Variants in PKHD1 observed in about 807,000 individuals in gnomAD.
The protein encoded by PKHD1 is PKHD1 ciliary IPT domain containing fibrocystin/polyductin, also known as fibrocystin.
PKHD1 carries 291 observed loss-of-function variants against 412.0 expected under a neutral mutation model. The observed-to-expected ratio is 0.71, with a 90% CI of 0.64 to 0.78. PKHD1 has a LOEUF of 0.78. Among genes scored for constraint, PKHD1 ranks in the 30% least tolerant of loss-of-function variants. The pLI is 0.00. For synonymous variants in PKHD1, 1,777 were observed against 1,821.5 expected (o/e 0.98, Z 0.62); for missense variants, 4,825 against 4,950.7 (o/e 0.97, Z 0.76).
chr6:52,032,026 C>T (rs1803130867), intron 29 of PKHD1, among the ~76,000 whole-genome samples: 1 of 152,112 alleles, frequency 6.6e-6, no homozygotes, highest in Non-Finnish European at 1.5e-5. Flanking sequence ...GGAGCTCCCC[C>T]TCCCTTTTCT....
At chr6:51,897,232 T>A (rs1583255530) in intron 43 of PKHD1, among the ~76,000 whole-genome samples, 1 of 151,818 alleles carries the variant, frequency 6.6e-6, no homozygotes, top group Non-Finnish European at 1.5e-5. Context: ...AAAGTTGAAA[T>A]GAAGGGAAAA....
chr6:51,734,563 C>T (rs756366962), intron 60 of PKHD1, among the ~76,000 whole-genome samples: 12 of 152,002 alleles, frequency 7.9e-5, no homozygotes, highest in South Asian at 2.1e-4. Context: ...AAAATGATGG[C>T]GGTAACCCAC....
rs144554528 is a variant in PKHD1, at chr6:51,657,519, G to A, written c.11174+1433C>T. Among the ~76,000 whole-genome samples the A allele has an allele frequency of 2.1e-3, 317 of 152,046 alleles. 1 individual carries two copies. The highest frequency in any genetic ancestry group is 7.2e-3 in the African/African-American group (300 of 41,502). ...TAAAGAAAAAGAGAGAGAGATAGGC[G>A]GATAGAACACATTCCAACACAAAAT... On this transcript the variant is annotated intron_variant, in intron 61 of 66. Coordinates refer to ENST00000371117, the MANE Select transcript of PKHD1 (RefSeq NM_138694.4).
chr6:52,025,377 A>T lies in PKHD1; in HGVS notation c.4433T>A (p.Leu1478His). 6.2e-7 allele frequency: 1 copy of T among 1,613,064 alleles called. No individual in the cohort carries two copies. The highest frequency in any genetic ancestry group is 1.1e-5 in the South Asian group (1 of 91,058). ...LTSECQGNCTLFIREEASPVM... is the reference protein window; with the variant it reads ...LTSECQGNCTHFIREEASPVM... ...AGGACTTGCCTCTTCCCTTATGAAA[A>T]GAGTGCAATTCCCCTGACACTCGCT... Residue 1478 changes from leucine to histidine, a missense_variant, in exon 32 of 67, where the codon CTT becomes CAT. By Grantham distance (99) the Leu-to-His change is moderately conservative. Transcript: ENST00000371117.
intron 60 of PKHD1, among the ~76,000 whole-genome samples, chr6:51,674,862 G>A (rs1035598962): frequency 3.3e-5 from 5 of 152,110 alleles, no homozygotes; most frequent in Admixed American, 3.3e-4. Context: ...TATCCCAGGA[G>A]TATAAAGATA....
rs779580027 is a variant in PKHD1, at chr6:52,073,528, A to G, written c.462T>C (p.His154=). The G allele has an allele frequency of 6.9e-6, 11 of 1,597,716 alleles. No homozygotes were observed. In the African/African-American group the frequency reaches 1.5e-4, roughly 21 times the overall value. ...PPSGVPGKLI[H]VYGWIITGRL... Reference sequence around the variant, plus strand: ...TTCCAGTGATAATCCAGCCATATACATGTATTAGTTTTCCTGTTTGAAGAA... The same window carrying G: ...TTCCAGTGATAATCCAGCCATATACGTGTATTAGTTTTCCTGTTTGAAGAA... The change falls in exon 7 of 67, where the codon CAT becomes CAC. Residue 154 remains histidine (H), a synonymous_variant. Coordinates refer to ENST00000371117, the MANE Select transcript of PKHD1 (RefSeq NM_138694.4).
At chr6:52,011,769 G>A (rs945164207) in intron 34 of PKHD1, among the ~76,000 whole-genome samples, 2 of 152,140 alleles carry the variant, frequency 1.3e-5, no homozygotes. Flanking sequence ...TCTCCACTCT[G>A]TATCTACCTA....
chr6:51,695,796 G>GA (rs1489404931), intron 60 of PKHD1, among the ~76,000 whole-genome samples: 2 of 152,130 alleles, frequency 1.3e-5, no homozygotes, highest in African/African-American at 4.8e-5. Flanking sequence ...CTAAAAGGTA[G>GA]AAAAAATTCT....
intron 54 of PKHD1, among the ~76,000 whole-genome samples, chr6:51,774,095 T>C (rs1381254529): frequency 6.6e-6 from 1 of 151,950 alleles, no homozygotes. Flanking sequence ...AAAGCATTTA[T>C]AACAAAAAGC....
At position 51,912,442 on chromosome 6, in the gene PKHD1, C is replaced by A; in HGVS notation, c.6256G>T (p.Gly2086Cys). The change falls in exon 38 of 67, where the codon GGT becomes TGT. Residue 2086 changes from glycine to cysteine, a missense_variant. By Grantham distance (159) the Gly-to-Cys change is radical. Transcript: ENST00000371117. ...VVIISGTGVK[G>C]AKPMEEIVTV... ...ACAATCTCTTCCATCGGTTTGGCACCTTTAACACCTGTTCCACTGATGATG... is the reference window on the plus strand; with the variant it reads ...ACAATCTCTTCCATCGGTTTGGCACATTTAACACCTGTTCCACTGATGATG... The A allele has an allele frequency of 1.9e-6, 3 of 1,613,104 alleles. No individual in the cohort carries two copies. Among genetic ancestry groups the A allele is most frequent in the South Asian group, 1.1e-5 (1 of 91,068 alleles).
chr6:51,967,387 T>A (rs1336037061), intron 35 of PKHD1, among the ~76,000 whole-genome samples: 1 of 152,162 alleles, frequency 6.6e-6, no homozygotes, highest in African/African-American at 2.4e-5. Flanking sequence ...ATCAGTATAG[T>A]ACCTATAATA....
rs1361468163 is a variant in PKHD1, at chr6:51,652,801, ATC to A, written c.11175-3583_11175-3582del. 1.2e-3 allele frequency among the ~76,000 whole-genome samples: 2 copies of A among 1,716 alleles called. 1 individual carries two copies. The highest frequency in any genetic ancestry group is 1.6e-3 in the Non-Finnish European group (2 of 1,284). The allele number at this position is 1,716 out of a possible 152,430, so 1.1% of individuals were successfully genotyped here. A position where few individuals can be genotyped will look rare whatever the true frequency, so the allele number is the denominator to read the frequency against. ...CACCGTTTTAGCCGGGATGGTCTCG[ATC>A]TCCTGACCTCGTGATCCGCCCGCCT... On this transcript the variant is annotated intron_variant, in intron 61 of 66. Coordinates refer to ENST00000371117, the MANE Select transcript of PKHD1 (RefSeq NM_138694.4).
chr6:51,660,865 C>T (rs147162899), intron 60 of PKHD1, among the ~76,000 whole-genome samples: 1 of 152,192 alleles, frequency 6.6e-6, no homozygotes, highest in Non-Finnish European at 1.5e-5. Context: ...GTATGATTGA[C>T]TAAGTTATTG....
rs571888244 is a variant in PKHD1 at position 51,904,296 on chromosome 6, T to C, written c.6809-254A>G. The stretch of plus-strand genomic sequence containing the variant: ...TTGAGGAGGAGTCTAAGTGACTATC[T>C]CCACTGTTAAGTGCCACATATCCTG... On this transcript the variant is annotated intron_variant, in intron 41 of 66. Transcript: ENST00000371117. Among the ~76,000 whole-genome samples, 3 of 152,260 alleles carry C rather than the reference T, an allele frequency of 2.0e-5. No individual in the cohort carries two copies. In the South Asian group the frequency reaches 6.2e-4, roughly 32 times the overall value.
chr6:51,644,110 G>T (rs1161019479), intron 63 of PKHD1, among the ~76,000 whole-genome samples: 1 of 152,050 alleles, frequency 6.6e-6, no homozygotes, highest in Non-Finnish European at 1.5e-5. Flanking sequence ...CTCCTTAAGA[G>T]AATTTTTAGA....
chr6:51,967,650 GTGTA>G lies in PKHD1; in HGVS notation c.5752-7628_5752-7625del, dbSNP rs1200470144. ...GAAGTGTGGGAAGTTGTGTGTGTGT[GTGTA>G]TGTGTGTGTGTGTGTGTGTGTGTAT... On this transcript the variant is annotated intron_variant, in intron 35 of 66. Coordinates refer to ENST00000371117, the MANE Select transcript of PKHD1 (RefSeq NM_138694.4). Among the ~76,000 whole-genome samples, 1,007 of 121,816 alleles carry G rather than the reference GTGTA, an allele frequency of 8.3e-3. 15 individuals are homozygous for G. The highest frequency in any genetic ancestry group is 0.025 in the African/African-American group (947 of 38,066). The allele number at this position is 121,816 out of a possible 152,430, so 79.9% of individuals were successfully genotyped here.
chr6:52,077,002 C>T (rs910701829), intron 5 of PKHD1, among the ~76,000 whole-genome samples: 6 of 152,134 alleles, frequency 3.9e-5, no homozygotes, highest in Non-Finnish European at 8.8e-5. Context: ...GAAAGCCTGG[C>T]GGTAGCATTC....
intron 60 of PKHD1, among the ~76,000 whole-genome samples, chr6:51,694,793 A>AGACTGTG (rs1778601704): frequency 6.6e-6 from 1 of 152,096 alleles, no homozygotes; most frequent in Non-Finnish European, 1.5e-5. Context: ...GTGTATAAAC[A>AGACTGTG]GACTGTGCTG....
Position 51,706,082 on chromosome 6 carries a change from A to G in PKHD1, c.10156+38303T>C, listed in dbSNP as rs528274197. On this transcript the variant is annotated intron_variant, in intron 60 of 66. Coordinates refer to ENST00000371117, the MANE Select transcript of PKHD1 (RefSeq NM_138694.4). ...ATCATTTGTAATTTTCCCTAAATGTATAATCATAGAAGTAAAGGAAGGACT... is the reference window on the plus strand; with the variant it reads ...ATCATTTGTAATTTTCCCTAAATGTGTAATCATAGAAGTAAAGGAAGGACT... Among the ~76,000 whole-genome samples, 10 of 152,278 alleles carry G rather than the reference A, an allele frequency of 6.6e-5. No homozygotes were observed. In the East Asian group the frequency reaches 1.9e-3, roughly 29 times the overall value.
Sources: allele counts gnomAD v4.1 joint callset (sites outside exome capture counted in the v4.1 genomes callset), GRCh38; gene constraint gnomAD v4.1.1; transcripts MANE v1.5; gene names NCBI Gene and HGNC (gene_info 2026-07-23, HGNC 2026-07-21).